The following ALPK1 variants were observed in gnomAD, a reference collection of about 807,000 sequenced individuals.
ALPK1 encodes the protein alpha kinase 1.
ALPK1 carries 110 observed loss-of-function variants against 120.6 expected under a neutral mutation model. The ratio of observed to expected loss-of-function variants is 0.91; its 90% confidence interval spans 0.78 to 1.07. ALPK1 has a LOEUF of 1.07. Ranked by LOEUF, ALPK1 falls within the 50% of genes least tolerant of loss-of-function variation. The probability of loss-of-function intolerance (pLI) is 0.00; values close to 1 mark genes in which losing one functional copy is unlikely to be tolerated. For synonymous variants in ALPK1, 582 were observed against 560.3 expected, an observed-to-expected ratio of 1.04 and a Z score of -0.55; for missense variants, 1,498 against 1,483.9, an observed-to-expected ratio of 1.01 and a Z score of -0.16.
rs1398489677 is a variant in ALPK1, at chr4:112,377,687, C to G, written c.-91C>G. ...CTCTTTTGTTCACCAGGTACTTCGGCCTTCAAGGGGCTCCTTTATTGAGAA... is the reference window on the plus strand; with the variant it reads ...CTCTTTTGTTCACCAGGTACTTCGGGCTTCAAGGGGCTCCTTTATTGAGAA... On this transcript the variant is annotated 5_prime_UTR_variant, in exon 3 of 16. Transcript: ENST00000650871. 2 of 1,287,382 alleles carry G rather than the reference C, an allele frequency of 1.6e-6. No homozygotes were observed. Among genetic ancestry groups the G allele is most frequent in the African/African-American group, 3.0e-5 (2 of 66,288 alleles). The allele number at this position is 1,287,382 out of a possible 1,614,324, so 79.7% of individuals were successfully genotyped here.
chr4:112,374,442 A>T lies in ALPK1; in HGVS notation c.-100-3236A>T, dbSNP rs549929467. The stretch of plus-strand genomic sequence containing the variant: ...CTTGAACACCCCAAAGTTATCTATG[A>T]GGGTTACACTCGGTTTCTCCTCAGT... On this transcript the variant is annotated intron_variant, in intron 2 of 15. Coordinates refer to ENST00000650871, the MANE Select transcript of ALPK1 (RefSeq NM_025144.4). Among the ~76,000 whole-genome samples the T allele has an allele frequency of 3.3e-5, 5 of 152,316 alleles. No individual in the cohort carries two copies. In the South Asian group the frequency reaches 1.0e-3, roughly 32 times the overall value.
chr4:112,348,467 T>C (rs1251038860), intron 2 of ALPK1, among the ~76,000 whole-genome samples: 2 of 152,226 alleles, frequency 1.3e-5, no homozygotes, highest in Non-Finnish European at 2.9e-5. Context: ...TTGAGTTTGT[T>C]CTCCTTAAGA....
intron 1 of ALPK1, among the ~76,000 whole-genome samples, chr4:112,298,004 C>T (rs2110514277): frequency 6.6e-6 from 1 of 152,178 alleles, no homozygotes; most frequent in South Asian, 2.1e-4. Flanking sequence ...ATTCTGAGTG[C>T]GTGGAAGCAT....
Position 112,438,568 on chromosome 4 carries a change from T to C in ALPK1, c.3273T>C (p.Tyr1091=), listed in dbSNP as rs1734888132. 5 of 1,613,800 alleles carry C rather than the reference T, an allele frequency of 3.1e-6. No individual in the cohort carries two copies. The South Asian group carries it at 3.3e-5, about 11-fold the overall frequency. Residue 1091 remains tyrosine, a synonymous_variant, in exon 13 of 16, where the codon TAT becomes TAC. Transcript: ENST00000650871. ...DVERQMTAQH[Y]VTEFNKRLYE... is the part of the protein sequence containing the mutation. ...AGCGACAGATGACCGCACAGCACTA[T>C]GTGACAGAATTTAACAAGAGACTCT... is the stretch of plus-strand genomic sequence containing the variant.
intron 2 of ALPK1, among the ~76,000 whole-genome samples, chr4:112,367,904 A>AT (rs904437972): frequency 3.3e-5 from 5 of 151,562 alleles, no homozygotes; most frequent in East Asian, 1.9e-4. Context: ...AGAGCTAATT[A>AT]TTTTTTTTTC....
At chr4:112,440,005 C>G (rs1734964024) in intron 14 of ALPK1, 133 bp downstream of exon 14, 3 of 810,478 alleles carry the variant, frequency 3.7e-6, no homozygotes, top group Non-Finnish European at 5.5e-6. Context: ...CTTAATTGAT[C>G]TTACTATATA....
intron 12 of ALPK1, among the ~76,000 whole-genome samples, chr4:112,437,974 A>G (rs537430398): frequency 1.1e-4 from 16 of 152,342 alleles, no homozygotes; most frequent in African/African-American, 3.4e-4. Flanking sequence ...CTCTTGAAAT[A>G]TACAAATCAT....
intron 2 of ALPK1, among the ~76,000 whole-genome samples, chr4:112,352,360 T>C (rs1730401506): frequency 6.6e-6 from 1 of 152,198 alleles, no homozygotes. Flanking sequence ...CAATTCTGAG[T>C]TTTAGTTAAT....
intron 11 of ALPK1, among the ~76,000 whole-genome samples, chr4:112,434,544 C>T (rs1322702559): frequency 6.6e-6 from 1 of 152,254 alleles, no homozygotes; most frequent in Admixed American, 6.5e-5. Context: ...TTGCTTAGCA[C>T]TGTTCTTCCT....
intron 2 of ALPK1, among the ~76,000 whole-genome samples, chr4:112,368,253 T>C (rs192958008): frequency 6.6e-6 from 1 of 152,230 alleles, no homozygotes; most frequent in African/African-American, 2.4e-5. Context: ...ATGCATTCAT[T>C]GAATTTTTAA....
chr4:112,412,298 A>G (rs991660205), intron 5 of ALPK1: 1 of 600,048 alleles, frequency 1.7e-6, no homozygotes, highest in African/African-American at 1.8e-5. Context: ...TCTTCTAACA[A>G]ATCTGTCCTG....
chr4:112,401,857 A>C (rs890027525), intron 4 of ALPK1, among the ~76,000 whole-genome samples: 1 of 152,222 alleles, frequency 6.6e-6, no homozygotes, highest in Non-Finnish European at 1.5e-5. Context: ...ATTTTTCAGA[A>C]GGGTTTGAAT....
At chr4:112,358,502 G>T (rs1163777289) in intron 2 of ALPK1, 11 of 680,316 alleles carry the variant, frequency 1.6e-5, no homozygotes, top group Non-Finnish European at 2.6e-6. Flanking sequence ...GAGGCCCTCA[G>T]GGTCACCAGC....
At chr4:112,307,307 T>G (rs1728127779) in intron 1 of ALPK1, among the ~76,000 whole-genome samples, 1 of 151,968 alleles carries the variant, frequency 6.6e-6, no homozygotes, top group Non-Finnish European at 1.5e-5. Context: ...GGATATCCTT[T>G]TTAACTTTCT....
intron 4 of ALPK1, among the ~76,000 whole-genome samples, chr4:112,404,749 G>A (rs1178544052): frequency 6.6e-6 from 1 of 152,078 alleles, no homozygotes; most frequent in Non-Finnish European, 1.5e-5. Context: ...TTACCTTCTT[G>A]GATTGTGAAC....
chr4:112,440,772 A>G, intron 14 of ALPK1, 145 bp from the exon 15 acceptor site: 1 of 1,358,338 alleles, frequency 7.4e-7, no homozygotes, highest in Non-Finnish European at 9.5e-7. Flanking sequence ...TTTACTAACT[A>G]TAAACCACAG....
intron 3 of ALPK1, 128 bp downstream of exon 3, chr4:112,378,026 G>A (rs1205593873): frequency 2.7e-6 from 3 of 1,095,016 alleles, no homozygotes; most frequent in African/African-American, 3.2e-5. Flanking sequence ...AGAGATGAGT[G>A]GATTTCTAGG....
chr4:112,352,082 A>G lies in ALPK1; in HGVS notation c.-100-25596A>G, dbSNP rs540100089. Among the ~76,000 whole-genome samples, 445 of 152,322 alleles carry G rather than the reference A, an allele frequency of 2.9e-3. 4 individuals carry two copies. Among genetic ancestry groups the G allele is most frequent in the Non-Finnish European group, 4.4e-3 (300 of 68,022 alleles). On this transcript the variant is annotated intron_variant, in intron 2 of 15. Transcript: ENST00000650871. ...TGTATCTTTTACCACCTCTCAATGG[A>G]GTCCCTGGTTCCAACCCTAAAAGCA...
At chr4:112,339,540 A>G (rs1729768158) in intron 2 of ALPK1, among the ~76,000 whole-genome samples, 1 of 152,206 alleles carries the variant, frequency 6.6e-6, no homozygotes, top group African/African-American at 2.4e-5. Context: ...TTCTTTTAAA[A>G]AAATAATTTA....
Sources: gnomAD v4.1 joint callset for allele counts (sites outside exome capture counted in the v4.1 genomes callset) on GRCh38, gnomAD v4.1.1 for gene constraint, MANE v1.5 for transcripts, NCBI Gene and HGNC (gene_info 2026-07-23, HGNC 2026-07-21) for gene names.